The following ZNF365 variants were observed in gnomAD, a reference collection of about 807,000 sequenced individuals.
ZNF365 encodes protein ZNF365.
Under a neutral mutation model 35.0 loss-of-function variants are expected in ZNF365, and 22 were observed. The ratio of observed to expected loss-of-function variants is 0.63; its 90% CI spans 0.45 to 0.90. The LOEUF (loss-of-function observed/expected upper bound fraction) is 0.90. Ranked by LOEUF, ZNF365 falls within the 40% of genes least tolerant of loss-of-function variation. The probability of loss-of-function intolerance (pLI) is 0.00; values close to 1 mark genes in which losing one functional copy is unlikely to be tolerated. For synonymous variants in ZNF365, 188 were observed against 196.2 expected, an observed-to-expected ratio of 0.96 and a Z score of 0.35; for missense variants, 448 against 500.3, an observed-to-expected ratio of 0.90 and a Z score of 1.00.
intron 3 of ZNF365, among the ~76,000 whole-genome samples, chr10:62,423,023 A>G (rs1840198376): frequency 6.6e-6 from 1 of 152,176 alleles, no homozygotes; most frequent in South Asian, 2.1e-4. Context: ...GGTTTCACAC[A>G]ATGTGTTGGC....
At chr10:62,476,411 G>A (rs964768374) in intron 4 of ZNF365, among the ~76,000 whole-genome samples, 1 of 152,170 alleles carries the variant, frequency 6.6e-6, no homozygotes, top group Non-Finnish European at 1.5e-5. Context: ...TCTAAGTTAA[G>A]GAAGTGAAGG....
intron 3 of ZNF365, among the ~76,000 whole-genome samples, chr10:62,458,497 CAT>C (rs1554828849): frequency 1.1e-3 from 162 of 141,332 alleles, no homozygotes; most frequent in African/African-American, 4.0e-3. Context: ...CACACACACA[CAT>C]ATATATATAA....
In ZNF365 at chr10:62,402,348, G is replaced by T; in HGVS notation, c.*2559G>T. On this transcript the variant is annotated 3_prime_UTR_variant, in exon 5 of 5. Transcript: ENST00000395254. ...CTTAGACATTGTTTTCCAGTATTCT[G>T]CAGGGCCAGTCAGTTGTACAGAAGT... The T allele has an allele frequency of 3.0e-6, 3 of 985,470 alleles. No homozygotes were observed. Among genetic ancestry groups the T allele is most frequent in the Non-Finnish European group, 3.6e-6 (3 of 829,902 alleles). 61.0% of individuals were successfully genotyped at this position (985,470 alleles called of 1,614,324 possible).
chr10:62,393,961 G>A (rs78695221), intron 3 of ZNF365, among the ~76,000 whole-genome samples: 2 of 152,214 alleles, frequency 1.3e-5, no homozygotes, highest in East Asian at 3.9e-4. Context: ...TTGTTTCCTT[G>A]TATAGTACTC....
intron 3 of ZNF365, among the ~76,000 whole-genome samples, chr10:62,448,730 C>A (rs1281785952): frequency 1.8e-4 from 28 of 152,114 alleles, no homozygotes; most frequent in Non-Finnish European, 4.1e-4. Context: ...AAGATGAAAG[C>A]ATTGGTCTCA....
intron 4 of ZNF365, chr10:62,479,814 T>C: frequency 3.4e-6 from 4 of 1,159,640 alleles, no homozygotes; most frequent in Middle Eastern, 3.9e-4. Context: ...TTTTGACTAT[T>C]GTTGCTGGCA....
chr10:62,406,008 T>A (rs1377053086), downstream of ZNF365, among the ~76,000 whole-genome samples: 2 of 152,160 alleles, frequency 1.3e-5, no homozygotes, highest in Non-Finnish European at 2.9e-5. Flanking sequence ...GGAACCAAGA[T>A]TCTTAAAGGG....
At chr10:62,471,836 C>T (rs184021099) in intron 4 of ZNF365, among the ~76,000 whole-genome samples, 191 of 152,158 alleles carry the variant, frequency 1.3e-3, no homozygotes, top group African/African-American at 4.3e-3. Flanking sequence ...TTACCTTGTC[C>T]GCAAGAGGCA....
At chr10:62,456,424 G>A (rs1027716414) in intron 3 of ZNF365, among the ~76,000 whole-genome samples, 5 of 151,890 alleles carry the variant, frequency 3.3e-5, no homozygotes, top group African/African-American at 7.3e-5. Context: ...TTTTGTGTAC[G>A]CCACTCCCCC....
At chr10:62,419,436 T>A (rs1213190926) in intron 3 of ZNF365, among the ~76,000 whole-genome samples, 1 of 149,630 alleles carries the variant, frequency 6.7e-6, no homozygotes, top group African/African-American at 2.5e-5. Context: ...AAGACTTAGA[T>A]CCAAGTAACC....
chr10:62,438,558 T>G (rs1247187796), intron 3 of ZNF365, among the ~76,000 whole-genome samples: 2 of 152,090 alleles, frequency 1.3e-5, no homozygotes, highest in African/African-American at 4.8e-5. Flanking sequence ...AAAGTAATTT[T>G]GAGTGTTAAC....
intron 3 of ZNF365, among the ~76,000 whole-genome samples, chr10:62,441,375 T>C (rs979340144): frequency 6.6e-6 from 1 of 152,186 alleles, no homozygotes; most frequent in African/African-American, 2.4e-5. Flanking sequence ...ATATTAGTTC[T>C]TTAAATAGCA....
chr10:62,419,305 C>T (rs1461437159), intron 3 of ZNF365, among the ~76,000 whole-genome samples: 1 of 151,972 alleles, frequency 6.6e-6, no homozygotes, highest in Non-Finnish European at 1.5e-5. Context: ...CTCTGAGCTT[C>T]CATTTGCATA....
intron 3 of ZNF365, among the ~76,000 whole-genome samples, chr10:62,455,694 A>G (rs979007279): frequency 6.6e-6 from 1 of 152,298 alleles, no homozygotes; most frequent in South Asian, 2.1e-4. Context: ...AAAAGTAAAT[A>G]TTGAATGTTT....
rs78183882 is a variant in ZNF365, at chr10:62,388,076, G to A, written c.744-320G>A. On this transcript the variant is annotated intron_variant, in intron 2 of 4. Transcript: ENST00000395254. ...CAAATGTCACCCCATTCAAAAGGTCGTTTCTAACTTTGCTTTTTAAAATAT... is the reference window on the plus strand; with the variant it reads ...CAAATGTCACCCCATTCAAAAGGTCATTTCTAACTTTGCTTTTTAAAATAT... 5.1e-3 allele frequency among the ~76,000 whole-genome samples: 778 copies of A among 152,198 alleles called. 4 individuals carry two copies. Among genetic ancestry groups the A allele is most frequent in the African/African-American group, 0.017 (713 of 41,508 alleles).
intron 3 of ZNF365, among the ~76,000 whole-genome samples, chr10:62,430,522 G>A (rs1840319603): frequency 1.3e-5 from 2 of 152,140 alleles, no homozygotes; most frequent in Non-Finnish European, 2.9e-5. Context: ...AAAAAGGGGA[G>A]GGTGAAAACC....
chr10:62,377,585 T>C (rs1564565840), intron 2 of ZNF365, among the ~76,000 whole-genome samples: 1 of 151,806 alleles, frequency 6.6e-6, no homozygotes, highest in Admixed American at 6.6e-5. Context: ...TTTTGTTATA[T>C]TTAAGTTTTG....
chr10:62,445,110 A>G (rs948980383), intron 3 of ZNF365, among the ~76,000 whole-genome samples: 1 of 151,066 alleles, frequency 6.6e-6, no homozygotes, highest in Non-Finnish European at 1.5e-5. Flanking sequence ...TGAACTCATC[A>G]TTTTTTATGG....
At chr10:62,419,497 A>T (rs1304361255) in intron 3 of ZNF365, among the ~76,000 whole-genome samples, 3 of 151,246 alleles carry the variant, frequency 2.0e-5, no homozygotes, top group Non-Finnish European at 4.4e-5. Context: ...TTTAAAGGAA[A>T]AAAAAAAAAA....
Sources: allele counts gnomAD v4.1 joint callset (sites outside exome capture counted in the v4.1 genomes callset), GRCh38; gene constraint gnomAD v4.1.1; transcripts MANE v1.5; gene names NCBI Gene and HGNC (gene_info 2026-07-23, HGNC 2026-07-21).